Variants in ANKFN1 observed in about 807,000 individuals in gnomAD.
ANKFN1 encodes the protein ankyrin repeat and fibronectin type III domain containing 1, also known as ankyrin repeat and fibronectin type-III domain-containing protein 1.
ANKFN1 carries 74 observed loss-of-function variants against 108.7 expected under a neutral mutation model. The observed-to-expected ratio is 0.68, with a 90% CI of 0.56 to 0.83. ANKFN1 has a LOEUF of 0.83. Ranked by LOEUF, ANKFN1 falls within the 40% of genes least tolerant of loss-of-function variation. The pLI is 0.00. For missense variants in ANKFN1, 1,505 were observed against 1,382.3 expected (o/e 1.09, Z -1.41); for synonymous variants, 547 against 516.2 (o/e 1.06, Z -0.81).
intron 2 of ANKFN1, chr17:56,224,540 C>T (rs1011942465): frequency 6.6e-5 from 10 of 152,180 alleles, no homozygotes; most frequent in Admixed American, 4.6e-4. Flanking sequence ...AAACCATAAA[C>T]ATTTTAAATA....
chr17:56,254,744 A>G (rs2043317706), intron 3 of ANKFN1, among the ~76,000 whole-genome samples: 1 of 152,228 alleles, frequency 6.6e-6, no homozygotes, highest in African/African-American at 2.4e-5. Flanking sequence ...AGACAGAGGT[A>G]CAGCAGAGAC....
intron 3 of ANKFN1, among the ~76,000 whole-genome samples, chr17:56,293,675 C>T (rs1034928271): frequency 4.6e-5 from 7 of 152,182 alleles, no homozygotes; most frequent in Non-Finnish European, 1.0e-4. Context: ...ACAGATGCTA[C>T]CCAGGAGACT....
chr17:56,468,988 T>C (rs2050223544), intron 15 of ANKFN1, among the ~76,000 whole-genome samples: 1 of 152,220 alleles, frequency 6.6e-6, no homozygotes, highest in African/African-American at 2.4e-5. Flanking sequence ...AACTAGGGTC[T>C]GGGCTACCTT....
intron 1 of ANKFN1, among the ~76,000 whole-genome samples, chr17:56,161,153 A>G (rs1045987616): frequency 6.6e-6 from 1 of 152,214 alleles, no homozygotes; most frequent in African/African-American, 2.4e-5. Context: ...TTGTAATAGT[A>G]TCGACCTCAG....
At chr17:56,452,358 A>G (rs992168618) in intron 11 of ANKFN1, among the ~76,000 whole-genome samples, 4 of 152,186 alleles carry the variant, frequency 2.6e-5, no homozygotes, top group Non-Finnish European at 5.9e-5. Context: ...AGAAGCCACA[A>G]GGTTCTTAGG....
At chr17:56,392,809 C>T (rs1417507647) in intron 8 of ANKFN1, among the ~76,000 whole-genome samples, 1 of 152,180 alleles carries the variant, frequency 6.6e-6, no homozygotes, top group Non-Finnish European at 1.5e-5. Context: ...TCAGGAACAG[C>T]ATCAGAAGTT....
In ANKFN1 at chr17:56,336,468, T is replaced by C. The variant is rs532456321; in HGVS notation, c.188+10113T>C. 6.0e-4 allele frequency among the ~76,000 whole-genome samples: 91 copies of C among 152,336 alleles called. 1 individual carries two copies. Among genetic ancestry groups the C allele is most frequent in the Non-Finnish European group, 9.1e-4 (62 of 68,036 alleles). ...TTGGGAGGGTGTATGCGGCCAGGAA[T>C]TTATCCATTTCTTCTAGATTTTCTA... On this transcript the variant is annotated intron_variant, in intron 4 of 20. Transcript: ENST00000682825.
intron 2 of ANKFN1, among the ~76,000 whole-genome samples, chr17:56,213,351 A>T (rs1434401605): frequency 6.6e-6 from 1 of 152,144 alleles, no homozygotes; most frequent in African/African-American, 2.4e-5. Context: ...GCTGTAACCA[A>T]CAAGCCTACC....
chr17:56,255,471 C>G (rs1407741848), intron 3 of ANKFN1, among the ~76,000 whole-genome samples: 1 of 152,136 alleles, frequency 6.6e-6, no homozygotes, highest in Admixed American at 6.5e-5. Context: ...AGGGATATTC[C>G]TTGTGAGAAA....
chr17:56,428,212 C>G (rs890912803), intron 8 of ANKFN1, among the ~76,000 whole-genome samples: 5 of 147,790 alleles, frequency 3.4e-5, no homozygotes, highest in Non-Finnish European at 7.5e-5. Context: ...CCAGCCTGGG[C>G]AACAAGAGTG....
chr17:56,331,183 A>G (rs2045652771), intron 4 of ANKFN1, among the ~76,000 whole-genome samples: 1 of 152,192 alleles, frequency 6.6e-6, no homozygotes, highest in Non-Finnish European at 1.5e-5. Flanking sequence ...CTCAAATCAT[A>G]GTACATTTGC....
chr17:56,419,599 C>T (rs2048340034), intron 8 of ANKFN1, among the ~76,000 whole-genome samples: 1 of 151,796 alleles, frequency 6.6e-6, no homozygotes, highest in African/African-American at 2.4e-5. Flanking sequence ...TTCTAGACCA[C>T]CTGAGGCAAC....
chr17:56,410,164 C>A (rs979474227), intron 8 of ANKFN1, among the ~76,000 whole-genome samples: 3 of 152,210 alleles, frequency 2.0e-5, no homozygotes, highest in African/African-American at 7.2e-5. Context: ...CGGCTCACTG[C>A]AACCTCCACC....
chr17:56,110,146 G>A (rs1425364277), intron 4 of ANKFN1, among the ~76,000 whole-genome samples: 1 of 152,174 alleles, frequency 6.6e-6, no homozygotes, highest in Non-Finnish European at 1.5e-5. Context: ...ACTGAGCCCT[G>A]CCTGAAAGCG....
At chr17:56,078,110 C>T (rs9893469) in intron 4 of ANKFN1, among the ~76,000 whole-genome samples, 4,071 of 152,230 alleles carry the variant, frequency 0.027, 178 homozygotes, top group African/African-American at 0.092. Context: ...TCTAGTAAGA[C>T]ACCTGTGGTA....
chr17:56,494,780 T>C (rs1252567675), intron 19 of ANKFN1, among the ~76,000 whole-genome samples: 1 of 152,100 alleles, frequency 6.6e-6, no homozygotes, highest in Non-Finnish European at 1.5e-5. Context: ...GAGGAACACT[T>C]CTCTACCCAT....
chr17:56,176,252 G>A (rs1598183197), intron 1 of ANKFN1, among the ~76,000 whole-genome samples: 1 of 152,214 alleles, frequency 6.6e-6, no homozygotes, highest in East Asian at 1.9e-4. Flanking sequence ...TGGTTCACTT[G>A]CTTTCATGCC....
At chr17:56,357,590 G>A (rs1319794525) in intron 6 of ANKFN1, among the ~76,000 whole-genome samples, 2 of 152,202 alleles carry the variant, frequency 1.3e-5, no homozygotes, top group Non-Finnish European at 2.9e-5. Context: ...TGTCAGTCGT[G>A]TTGGAGAGAG....
At chr17:56,388,360 G>A (rs973505957) in intron 8 of ANKFN1, among the ~76,000 whole-genome samples, 3 of 152,024 alleles carry the variant, frequency 2.0e-5, no homozygotes, top group African/African-American at 7.2e-5. Flanking sequence ...TCGAACTTCT[G>A]ACCTCTAGTG....
Sources: allele counts gnomAD v4.1 joint callset (sites outside exome capture counted in the v4.1 genomes callset), GRCh38; gene constraint gnomAD v4.1.1; transcripts MANE v1.5; gene names NCBI Gene and HGNC (gene_info 2026-07-23, HGNC 2026-07-21).